Variants in QTMAN observed in about 807,000 individuals in gnomAD.
QTMAN encodes the protein tRNA-queuosine alpha-mannosyltransferase.
At chr2:144,152,601 CATGT>C in the QTMAN span, among the ~76,000 whole-genome samples, 1 of 152,026 alleles carries the variant, frequency 6.6e-6, no homozygotes, top group African/African-American at 2.4e-5. Flanking sequence ...AACATTTTTT[CATGT>C]ATGTGTTTAT....
the QTMAN span, among the ~76,000 whole-genome samples, chr2:144,057,419 G>A: frequency 3.3e-5 from 5 of 152,198 alleles, no homozygotes; most frequent in African/African-American, 4.8e-5. Flanking sequence ...TAAAGGTGAA[G>A]ACATGCAATT....
chr2:144,219,846 T>C, the QTMAN span, among the ~76,000 whole-genome samples: 2 of 152,052 alleles, frequency 1.3e-5, no homozygotes, highest in African/African-American at 2.4e-5. Flanking sequence ...TACAATAAAA[T>C]AAAAGCTGCA....
chr2:144,087,612 A>T, the QTMAN span, among the ~76,000 whole-genome samples: 19 of 152,068 alleles, frequency 1.2e-4, no homozygotes, highest in Non-Finnish European at 2.5e-4. Flanking sequence ...AAAAGGATTT[A>T]TACCTTCAAG....
chr2:143,982,853 CAAAA>C, the QTMAN span, among the ~76,000 whole-genome samples: 2 of 61,042 alleles, frequency 3.3e-5, no homozygotes. Flanking sequence ...GACTCTGTCT[CAAAA>C]AAAAAAAAAA....
the QTMAN span, among the ~76,000 whole-genome samples, chr2:144,025,659 G>A: frequency 6.6e-6 from 1 of 152,260 alleles, no homozygotes; most frequent in South Asian, 2.1e-4. Context: ...TCCATGACAG[G>A]TGTACTACCT....
At chr2:144,028,078 T>C in the QTMAN span, among the ~76,000 whole-genome samples, 1 of 152,278 alleles carries the variant, frequency 6.6e-6, no homozygotes, top group African/African-American at 2.4e-5. Context: ...CACTTATCCT[T>C]CCTTGGAAGG....
chr2:144,098,286 C>T, the QTMAN span, among the ~76,000 whole-genome samples: 5 of 152,186 alleles, frequency 3.3e-5, no homozygotes, highest in African/African-American at 7.2e-5. Flanking sequence ...TGTCACCTTT[C>T]GAAGAGATAA....
chr2:144,112,545 G>GA, the QTMAN span, among the ~76,000 whole-genome samples: 1 of 152,212 alleles, frequency 6.6e-6, no homozygotes, highest in Admixed American at 6.5e-5. Context: ...CAAGCAAAGG[G>GA]ATGGTAACAG....
chr2:144,222,052 A>C, the QTMAN span, among the ~76,000 whole-genome samples: 1 of 151,934 alleles, frequency 6.6e-6, no homozygotes, highest in African/African-American at 2.4e-5. Context: ...GTAAAATATA[A>C]ACTCAAAGTT....
chr2:144,172,429 T>C, the QTMAN span, among the ~76,000 whole-genome samples: 1 of 151,932 alleles, frequency 6.6e-6, no homozygotes, highest in African/African-American at 2.4e-5. Context: ...GAGACCAGCC[T>C]GGCCAACATG....
At chr2:144,100,859 CTTTTTTTTTTT>C in the QTMAN span, among the ~76,000 whole-genome samples, 8 of 77,910 alleles carry the variant, frequency 1.0e-4, no homozygotes, top group South Asian at 9.7e-4. Flanking sequence ...GTCTTTCTTT[CTTTTTTTTTTT>C]TTTTTTTTTT....
At chr2:144,301,201 T>G in the QTMAN span, among the ~76,000 whole-genome samples, 1 of 152,076 alleles carries the variant, frequency 6.6e-6, no homozygotes, top group Non-Finnish European at 1.5e-5. Flanking sequence ...AGATGTACCT[T>G]TTTTGTTTTG....
chr2:144,244,729 C>A, the QTMAN span, among the ~76,000 whole-genome samples: 4 of 151,850 alleles, frequency 2.6e-5, no homozygotes, highest in Admixed American at 6.6e-5. Flanking sequence ...GCACAGTAGA[C>A]AATGCACGGT....
chr2:144,002,881 T>C, the QTMAN span, among the ~76,000 whole-genome samples: 1 of 151,958 alleles, frequency 6.6e-6, no homozygotes, highest in African/African-American at 2.4e-5. Flanking sequence ...TATTTCTTTG[T>C]GAGGCAGAAT....
the QTMAN span, among the ~76,000 whole-genome samples, chr2:144,264,142 AT>A: frequency 6.6e-6 from 1 of 152,200 alleles, no homozygotes; most frequent in Non-Finnish European, 1.5e-5. Flanking sequence ...AACACCTAAT[AT>A]TTATTTGTCA....
chr2:144,151,273 C>T, the QTMAN span, among the ~76,000 whole-genome samples: 8 of 152,006 alleles, frequency 5.3e-5, no homozygotes, highest in African/African-American at 1.5e-4. Flanking sequence ...TTTTTTATTA[C>T]GCTTCATGAT....
chr2:144,031,192 T>G, the QTMAN span, among the ~76,000 whole-genome samples: 13 of 117,914 alleles, frequency 1.1e-4, no homozygotes, highest in South Asian at 3.8e-3. Flanking sequence ...ACAACTGTTA[T>G]TTTTTTTTTT....
the QTMAN span, among the ~76,000 whole-genome samples, chr2:144,082,401 T>G: frequency 6.6e-6 from 1 of 152,160 alleles, no homozygotes; most frequent in Non-Finnish European, 1.5e-5. Flanking sequence ...ATACTAACAC[T>G]GCCATTAGGT....
At chr2:144,022,390 A>G in the QTMAN span, among the ~76,000 whole-genome samples, 1 of 151,888 alleles carries the variant, frequency 6.6e-6, no homozygotes, top group African/African-American at 2.4e-5. Flanking sequence ...TCTAGGCACA[A>G]GCAATTCTCT....
Sources: gnomAD v4.1 joint callset for allele counts (sites outside exome capture counted in the v4.1 genomes callset) on GRCh38, gnomAD v4.1.1 for gene constraint, MANE v1.5 for transcripts, NCBI Gene and HGNC (gene_info 2026-07-23, HGNC 2026-07-21) for gene names.